The following ADAMTS16 variants were observed in gnomAD, a reference collection of about 807,000 sequenced individuals.
ADAMTS16 encodes the protein A disintegrin and metalloproteinase with thrombospondin motifs 16.
A neutral mutation model predicts 145.8 loss-of-function variants in ADAMTS16; 94 were observed. The ratio of observed to expected loss-of-function variants is 0.64; its 90% CI spans 0.55 to 0.77. The LOEUF (loss-of-function observed/expected upper bound fraction) is 0.77. ADAMTS16 is among the 30% of genes least tolerant of loss of function. The pLI is 0.00. For synonymous variants in ADAMTS16, 659 were observed against 604.3 expected, an observed-to-expected ratio of 1.09 and a Z score of -1.33; for missense variants, 1,585 against 1,591.5, an observed-to-expected ratio of 1.00 and a Z score of 0.07.
chr5:5,312,049 G>A (rs1232467375), intron 21 of ADAMTS16, among the ~76,000 whole-genome samples: 2 of 152,076 alleles, frequency 1.3e-5, no homozygotes, highest in East Asian at 1.9e-4. Context: ...CGTAGTGTCC[G>A]AGCCTGTCTG....
At chr5:5,233,705 G>C (rs1322990606) in intron 12 of ADAMTS16, among the ~76,000 whole-genome samples, 4 of 152,242 alleles carry the variant, frequency 2.6e-5, no homozygotes, top group Non-Finnish European at 5.9e-5. Flanking sequence ...GTATTCCATG[G>C]TGTGTATGTA....
intron 17 of ADAMTS16, 69 bp from the exon 18 acceptor site, chr5:5,262,588 C>T (rs1738070189): frequency 6.5e-7 from 1 of 1,542,696 alleles, no homozygotes; most frequent in African/African-American, 1.4e-5. Flanking sequence ...ATTTTATTAG[C>T]TCATCATCTG....
rs1735353245 is a variant in ADAMTS16, at chr5:5,182,061, A to G, written c.519A>G (p.Thr173=). Residue 173 remains threonine (T), a synonymous_variant, in exon 4 of 23, where the codon ACA becomes ACG. Coordinates refer to ENST00000274181, the MANE Select transcript of ADAMTS16 (RefSeq NM_139056.4). ...TCQGLSGMIR[T]EEADYFLRPL... ...TTTTCCAGTCAGGCATGATACGAACAGAAGAGGCAGATTACTTCCTAAGGC... is the reference window on the plus strand; with the variant it reads ...TTTTCCAGTCAGGCATGATACGAACGGAAGAGGCAGATTACTTCCTAAGGC... 1.9e-6 allele frequency: 3 copies of G among 1,610,150 alleles called. No homozygotes were observed. The highest frequency in any genetic ancestry group is 2.5e-6 in the Non-Finnish European group (3 of 1,178,268).
chr5:5,293,202 A>G (rs944541713), intron 18 of ADAMTS16, among the ~76,000 whole-genome samples: 1 of 152,070 alleles, frequency 6.6e-6, no homozygotes, highest in Non-Finnish European at 1.5e-5. Flanking sequence ...TTTTCTGATG[A>G]TGGCGCTGGC....
intron 17 of ADAMTS16, among the ~76,000 whole-genome samples, chr5:5,259,390 A>G (rs1426083299): frequency 6.6e-6 from 1 of 152,250 alleles, no homozygotes; most frequent in Non-Finnish European, 1.5e-5. Context: ...GCTGAGCATC[A>G]TAATTCTAGA....
chr5:5,244,388 C>A (rs2126396411), intron 17 of ADAMTS16, among the ~76,000 whole-genome samples: 1 of 152,302 alleles, frequency 6.6e-6, no homozygotes, highest in Middle Eastern at 3.4e-3. Flanking sequence ...CTACTATGTG[C>A]TTTCACATAT....
Position 5,140,685 on chromosome 5 carries a change from C to T in ADAMTS16, c.94C>T (p.Pro32Ser), listed in dbSNP as rs61754840. The T allele has an allele frequency of 2.7e-3, 4,194 of 1,560,564 alleles. 14 individuals carry two copies. The highest frequency in any genetic ancestry group is 4.6e-3 in the South Asian group (395 of 85,320). ...AEQAPACAMG[P>S]AAAAPGSPSV... Reference sequence around the variant, plus strand: ...GCAGGCACCTGCGTGCGCCATGGGACCCGCAGCGGCAGCGCCTGGGAGCCC... The same window carrying T: ...GCAGGCACCTGCGTGCGCCATGGGATCCGCAGCGGCAGCGCCTGGGAGCCC... The change falls in exon 2 of 23, where the codon CCC becomes TCC. Residue 32 changes from proline to serine, a missense_variant. Pro to Ser is a moderately conservative substitution (Grantham distance 74, BLOSUM62 -1). Around this residue, in one of 3 missense-constraint regions of ADAMTS16, gnomAD observed 453 missense variants for 412.1 expected, o/e 1.10. Coordinates refer to ENST00000274181, the MANE Select transcript of ADAMTS16 (RefSeq NM_139056.4).
chr5:5,185,123 G>A (rs981421429), intron 4 of ADAMTS16, among the ~76,000 whole-genome samples: 2 of 152,134 alleles, frequency 1.3e-5, no homozygotes, highest in Non-Finnish European at 2.9e-5. Flanking sequence ...TGGCAAATGA[G>A]TGCTCAATAA....
rs558620874 is a variant in ADAMTS16, at chr5:5,259,345, C to T, written c.2663-3312C>T. Among the ~76,000 whole-genome samples, 90 of 152,356 alleles carry T rather than the reference C, an allele frequency of 5.9e-4. 3 individuals carry two copies. The South Asian group carries it at 0.018, about 30-fold the overall frequency. ...ATTCCACTTCTGCTCTCATCTCCAA[C>T]ACAAGGACACATCTGTTGAATCGAG... is the stretch of plus-strand genomic sequence containing the variant. On this transcript the variant is annotated intron_variant, in intron 17 of 22. Transcript: ENST00000274181.
At chr5:5,292,793 T>A (rs1162852731) in intron 18 of ADAMTS16, among the ~76,000 whole-genome samples, 1 of 152,154 alleles carries the variant, frequency 6.6e-6, no homozygotes, top group Non-Finnish European at 1.5e-5. Context: ...ACAGCCTATC[T>A]TAACGTTCAC....
At chr5:5,234,892 T>G (rs1167783914) in intron 12 of ADAMTS16, 122 bp from the exon 13 acceptor site, 2 of 392,856 alleles carry the variant, frequency 5.1e-6, no homozygotes, top group Admixed American at 6.8e-5. Context: ...AAAAAAAGAA[T>G]CCACTTTTTT....
intron 10 of ADAMTS16, among the ~76,000 whole-genome samples, chr5:5,212,226 G>A (rs1215997039): frequency 1.0e-5 from 1 of 97,176 alleles, no homozygotes. Context: ...TTTTTTTTTT[G>A]AGATGGAGTC....
intron 17 of ADAMTS16, among the ~76,000 whole-genome samples, chr5:5,251,300 C>T (rs547180619): frequency 4.9e-4 from 74 of 152,284 alleles, no homozygotes; most frequent in African/African-American, 1.8e-3. Context: ...CATCTGTATC[C>T]TTCATTTGCA....
At chr5:5,204,214 T>G (rs1161572847) in intron 9 of ADAMTS16, among the ~76,000 whole-genome samples, 1 of 152,122 alleles carries the variant, frequency 6.6e-6, no homozygotes, top group Non-Finnish European at 1.5e-5. Context: ...AACTAAAAGA[T>G]CTCTCAAGCT....
intron 8 of ADAMTS16, among the ~76,000 whole-genome samples, chr5:5,192,625 G>T (rs577280777): frequency 6.6e-6 from 1 of 152,172 alleles, no homozygotes; most frequent in South Asian, 2.1e-4. Context: ...GTTTCAGGGA[G>T]CCCCACGAGC....
chr5:5,253,925 T>C (rs2964411), intron 17 of ADAMTS16, among the ~76,000 whole-genome samples: 145,607 of 152,268 alleles, frequency 0.96, 69,843 homozygotes, highest in Non-Finnish European at 1. Context: ...AGAGTGATGG[T>C]TTATCGAATG....
intron 16 of ADAMTS16, 46 bp downstream of exon 16, chr5:5,239,971 T>C (rs1006891879): frequency 6.2e-7 from 1 of 1,602,922 alleles, no homozygotes; most frequent in African/African-American, 1.3e-5. Context: ...TTGGGGGTGT[T>C]CTGGTGTCTG....
At position 5,297,334 on chromosome 5, in the gene ADAMTS16, G is replaced by A. The variant is rs917928229; in HGVS notation, c.2790-5934G>A. Among the ~76,000 whole-genome samples, 6 of 152,332 alleles carry A rather than the reference G, an allele frequency of 3.9e-5. No individual in the cohort carries two copies. In the East Asian group the frequency reaches 5.8e-4, roughly 15 times the overall value. Reference sequence around the variant, plus strand: ...TACTCTGATGAAAAAAGTAGAGTGCGTTGCTCTTTCTTCCAGTCTTCCCTG... The same window carrying A: ...TACTCTGATGAAAAAAGTAGAGTGCATTGCTCTTTCTTCCAGTCTTCCCTG... On this transcript the variant is annotated intron_variant, in intron 18 of 22. Transcript: ENST00000274181.
chr5:5,212,191 T>G (rs966166695), intron 10 of ADAMTS16, among the ~76,000 whole-genome samples: 23 of 103,458 alleles, frequency 2.2e-4, no homozygotes, highest in African/African-American at 6.0e-4. Context: ...GTTTCTGGGG[T>G]TTTTTTTGTT....
Sources: gnomAD v4.1 joint callset for allele counts (sites outside exome capture counted in the v4.1 genomes callset) on GRCh38, gnomAD v4.1.1 for gene constraint, gnomAD v4.1.1 regional missense constraint, MANE v1.5 for transcripts, NCBI Gene and HGNC (gene_info 2026-07-23, HGNC 2026-07-21) for gene names.